The following NSD2 variants were observed in gnomAD, a reference collection of about 807,000 sequenced individuals.
The protein encoded by NSD2 is nuclear receptor binding SET domain protein 2.
NSD2 carries 12 observed loss-of-function variants against 139.0 expected under a neutral mutation model. The ratio of observed to expected loss-of-function variants is 0.09; its 90% CI spans 0.06 to 0.14. The LOEUF (loss-of-function observed/expected upper bound fraction) is 0.14. Ranked by LOEUF, NSD2 falls within the 10% of genes least tolerant of loss-of-function variation. The probability of loss-of-function intolerance (pLI) is 1.00; values close to 1 mark genes in which losing one functional copy is unlikely to be tolerated. For synonymous variants in NSD2, 669 were observed against 648.7 expected, an observed-to-expected ratio of 1.03 and a Z score of -0.48; for missense variants, 1,155 against 1,745.0, an observed-to-expected ratio of 0.66 and a Z score of 6.02.
At chr4:1,885,195 A>G (rs747137848) in intron 1 of NSD2, among the ~76,000 whole-genome samples, 18 of 152,170 alleles carry the variant, frequency 1.2e-4, no homozygotes, top group African/African-American at 4.1e-4. Context: ...TTTGTCCACT[A>G]TCTACCTTTT....
Position 1,957,294 on chromosome 4 carries a change from T to G in NSD2, c.2882-639T>G, listed in dbSNP as rs181333290. ...TGCATGTTTTTTTGTTTTTGTTTTT[T>G]TTTTTTTGAGACTGAGTCTTGCTCT... On this transcript the variant is annotated intron_variant, in intron 15 of 21. Transcript: ENST00000508803. Among the ~76,000 whole-genome samples the G allele has an allele frequency of 6.3e-3, 955 of 151,238 alleles. 11 individuals carry two copies. The highest frequency in any genetic ancestry group is 0.022 in the African/African-American group (891 of 40,862).
rs932761548 is a variant in NSD2, at chr4:1,942,205, A to G, written c.1881+2427A>G. 8 of 1,477,356 alleles carry G rather than the reference A, an allele frequency of 5.4e-6. No homozygotes were observed. In the African/African-American group the frequency reaches 9.8e-5, roughly 18 times the overall value. The allele number at this position is 1,477,356 out of a possible 1,614,324, so 91.5% of individuals were successfully genotyped here. Reference sequence around the variant, plus strand: ...ATGGTACTACATCACCCTGAGGAAGAGAATAAATTAAAATTACACACTTGC... The same window carrying G: ...ATGGTACTACATCACCCTGAGGAAGGGAATAAATTAAAATTACACACTTGC... On this transcript the variant is annotated intron_variant, in intron 9 of 21. Coordinates refer to ENST00000508803, the MANE Select transcript of NSD2 (RefSeq NM_001042424.3). This position sits in a 1 kb window ranked among gnomAD's most constrained non-coding sequence, Gnocchi z 4.0.
In NSD2 at chr4:1,955,513, A is replaced by G. The variant is rs1273193754; in HGVS notation, c.2518+173A>G. ...CTAAATTAATTGTAATCATTTCGCA[A>G]ACATACAGGAAATTATTTGTGGTGA... On this transcript the variant is annotated intron_variant, in intron 13 of 21. Coordinates refer to ENST00000508803, the MANE Select transcript of NSD2 (RefSeq NM_001042424.3). This position sits in a 1 kb window ranked among gnomAD's most constrained non-coding sequence, Gnocchi z 4.7. The G allele has an allele frequency of 8.1e-7, 1 of 1,227,618 alleles. No individual in the cohort carries two copies. Among genetic ancestry groups the G allele is most frequent in the African/African-American group, 1.5e-5 (1 of 65,610 alleles). The allele number at this position is 1,227,618 out of a possible 1,614,324, so 76.0% of individuals were successfully genotyped here. A position where few individuals can be genotyped will look rare whatever the true frequency, so the allele number is the denominator to read the frequency against.
At chr4:1,881,452 A>G (rs1435393627) in intron 1 of NSD2, among the ~76,000 whole-genome samples, 1 of 151,982 alleles carries the variant, frequency 6.6e-6, no homozygotes, top group East Asian at 1.9e-4. Flanking sequence ...TTTAGTAGAG[A>G]CGGGGTTTCA....
At chr4:1,952,663 C>T (rs1257802624) in intron 11 of NSD2, 5 of 1,021,928 alleles carry the variant, frequency 4.9e-6, no homozygotes, top group Non-Finnish European at 4.8e-6. Context: ...CACAGTGTCA[C>T]CTTGAGCCTC....
At chr4:1,922,654 G>A (rs959801999) in intron 5 of NSD2, among the ~76,000 whole-genome samples, 1 of 152,192 alleles carries the variant, frequency 6.6e-6, no homozygotes, top group Admixed American at 6.5e-5. Context: ...GGCCAGGTGT[G>A]GTGGCTTACG....
chr4:1,885,412 A>T (rs1051358084), intron 1 of NSD2, among the ~76,000 whole-genome samples: 1 of 152,174 alleles, frequency 6.6e-6, no homozygotes, highest in Non-Finnish European at 1.5e-5. Context: ...AACTGTGATC[A>T]TTGCCTTCTC....
chr4:1,900,596 CTTTCTTT>C (rs1717019535), intron 1 of NSD2, 23 bp from the exon 2 acceptor site: 2 of 1,438,556 alleles, frequency 1.4e-6, no homozygotes, highest in Non-Finnish European at 1.9e-6. Flanking sequence ...ATTGCTTTTT[CTTTCTTT>C]TTTCTTTTTT....
At chr4:1,876,551 G>A (rs1045883891) in intron 1 of NSD2, among the ~76,000 whole-genome samples, 2 of 152,116 alleles carry the variant, frequency 1.3e-5, no homozygotes, top group African/African-American at 4.8e-5. Flanking sequence ...AATTAGCTGG[G>A]CTTGGTGGTG....
intron 21 of NSD2, among the ~76,000 whole-genome samples, chr4:1,977,227 A>G (rs1165314442): frequency 1.3e-5 from 2 of 152,242 alleles, no homozygotes; most frequent in African/African-American, 2.4e-5. Context: ...GAGGGAAAGT[A>G]GAGTGGGCTC....
At chr4:1,961,302 G>A (rs988143341) in intron 18 of NSD2, 151 bp downstream of exon 18, 41 of 675,232 alleles carry the variant, frequency 6.1e-5, no homozygotes, top group South Asian at 4.9e-4. Flanking sequence ...CTTCTGAGGT[G>A]CAGCGTGTCT....
intron 11 of NSD2, chr4:1,952,971 A>G: frequency 7.0e-7 from 1 of 1,432,668 alleles, no homozygotes; most frequent in Non-Finnish European, 9.1e-7. Context: ...ATGATAAGTG[A>G]CTGCTCCACC....
intron 7 of NSD2, among the ~76,000 whole-genome samples, chr4:1,937,418 T>C (rs1186615466): frequency 1.3e-5 from 2 of 152,180 alleles, no homozygotes; most frequent in Non-Finnish European, 2.9e-5. Context: ...TTTTGAAATA[T>C]TTGTGTAAAT....
chr4:1,894,362 A>T, intron 1 of NSD2, among the ~76,000 whole-genome samples: 1 of 152,262 alleles, frequency 6.6e-6, no homozygotes, highest in Admixed American at 6.5e-5. Flanking sequence ...TTTATTCAGA[A>T]TATCTAATTT....
At chr4:1,920,627 TG>T (rs1161579444) in intron 5 of NSD2, among the ~76,000 whole-genome samples, 4 of 152,116 alleles carry the variant, frequency 2.6e-5, no homozygotes, top group Non-Finnish European at 5.9e-5. Context: ...TTTTTCTCCT[TG>T]GGAGGTTGAG....
At chr4:1,923,345 T>C (rs1164550335) in intron 5 of NSD2, among the ~76,000 whole-genome samples, 4 of 150,836 alleles carry the variant, frequency 2.7e-5, no homozygotes, top group East Asian at 3.9e-4. Flanking sequence ...AAAATTCTTA[T>C]GTGTCAAGGA....
In NSD2 at chr4:1,979,629, G is replaced by A. The variant is rs926958338; in HGVS notation, c.*720G>A. On this transcript the variant is annotated 3_prime_UTR_variant, in exon 22 of 22. Coordinates refer to ENST00000508803, the MANE Select transcript of NSD2 (RefSeq NM_001042424.3). ...TGTAGTTTACGCGGAGCACTTTCGA[G>A]GCCTGGCCGGGTTGGGCCTACTTCT... The A allele has an allele frequency of 3.4e-5, 8 of 232,640 alleles. No homozygotes were observed. Among genetic ancestry groups the A allele is most frequent in the Middle Eastern group, 2.6e-3 (2 of 780 alleles). 14.4% of individuals were successfully genotyped at this position (232,640 alleles called of 1,614,324 possible).
intron 3 of NSD2, among the ~76,000 whole-genome samples, chr4:1,915,111 C>CTTTTTTTTTTTTTTTT (rs781255847): frequency 1.7e-5 from 2 of 115,564 alleles, no homozygotes; most frequent in African/African-American, 3.5e-5. Context: ...CTTTTTTTCT[C>CTTTTTTTTTTTTTTTT]TTTTTTTTTT....
intron 1 of NSD2, among the ~76,000 whole-genome samples, chr4:1,880,099 T>G (rs1714591982): frequency 6.6e-6 from 1 of 152,150 alleles, no homozygotes; most frequent in East Asian, 1.9e-4. Context: ...TTTCTAGATT[T>G]TTGGTTAAAA....
Sources: gnomAD v4.1 joint callset for allele counts (sites outside exome capture counted in the v4.1 genomes callset) on GRCh38, gnomAD v4.1.1 for gene constraint, Gnocchi (gnomAD v3.1) non-coding constraint, MANE v1.5 for transcripts, NCBI Gene and HGNC (gene_info 2026-07-23, HGNC 2026-07-21) for gene names.